Variants in ANKRD17 observed in about 807,000 individuals in gnomAD.
ANKRD17 encodes the protein ankyrin repeat domain 17, also known as ankyrin repeat domain-containing protein 17.
A neutral mutation model predicts 229.7 loss-of-function variants in ANKRD17; 19 were observed. The observed-to-expected ratio is 0.08, with a 90% CI of 0.06 to 0.12. The LOEUF is 0.12. ANKRD17 is among the 10% of genes least tolerant of loss of function. The pLI is 1.00. For missense variants in ANKRD17, 2,176 were observed against 3,176.8 expected, an observed-to-expected ratio of 0.68 and a Z score of 7.57; for synonymous variants, 1,112 against 1,146.1, an observed-to-expected ratio of 0.97 and a Z score of 0.60.
intron 30 of ANKRD17, among the ~76,000 whole-genome samples, chr4:73,080,346 AAG>A (rs921395040): frequency 4.6e-5 from 7 of 152,206 alleles, no homozygotes; most frequent in African/African-American, 7.2e-5. Context: ...AATGAACGAA[AAG>A]AAAATGATAT....
intron 2 of ANKRD17, among the ~76,000 whole-genome samples, chr4:73,167,217 C>T (rs986091049): frequency 7.2e-5 from 11 of 151,762 alleles, no homozygotes; most frequent in South Asian, 4.1e-4. Flanking sequence ...GGTTTCATTA[C>T]GCTATTCTCT....
In ANKRD17 at chr4:73,140,127, G is replaced by A. The variant is rs372579308; in HGVS notation, c.2489C>T (p.Ala830Val). Residue 830 changes from alanine (A) to valine (V), a missense_variant, in exon 15 of 34, where the codon GCA becomes GTA. This residue lies in a region of ANKRD17 where 275 missense variants were observed against 386.9 expected (regional missense o/e 0.71). Coordinates refer to ENST00000358602, the MANE Select transcript of ANKRD17 (RefSeq NM_032217.5). ...QRIKEAIEKNAQLQSLELAHA... is the reference protein window; with the variant it reads ...QRIKEAIEKNVQLQSLELAHA... ...AGCCAGTTCCAAGGACTGCAGCTGT[G>A]CATTCTTTTCTATGGCTTCTTTTAT... 6.2e-7 allele frequency: 1 copy of A among 1,614,142 alleles called. No individual in the cohort carries two copies. Among genetic ancestry groups the A allele is most frequent in the East Asian group, 2.2e-5 (1 of 44,874 alleles).
intron 1 of ANKRD17, among the ~76,000 whole-genome samples, chr4:73,242,582 C>T (rs1248512207): frequency 6.6e-6 from 1 of 152,170 alleles, no homozygotes; most frequent in African/African-American, 2.4e-5. Flanking sequence ...TTCATGGTCA[C>T]GTACAAAAGA....
At chr4:73,168,786 T>A (rs1358517890) in intron 2 of ANKRD17, 3 of 152,342 alleles carry the variant, frequency 2.0e-5, no homozygotes, top group African/African-American at 7.2e-5. Flanking sequence ...TGTGTGTCCT[T>A]CCAACTTTTA....
chr4:73,093,647 T>G (rs1723009511), intron 28 of ANKRD17, among the ~76,000 whole-genome samples: 2 of 152,302 alleles, frequency 1.3e-5, no homozygotes, highest in South Asian at 4.1e-4. Context: ...GTGCTGGGAT[T>G]ACAGGCGTGA....
intron 23 of ANKRD17, among the ~76,000 whole-genome samples, chr4:73,114,168 T>C (rs1471591088): frequency 2.0e-5 from 3 of 152,244 alleles, no homozygotes; most frequent in Non-Finnish European, 2.9e-5. Context: ...TAAAGTCATT[T>C]ATCCTCTAAT....
chr4:73,221,002 T>C (rs1741776922), intron 1 of ANKRD17, among the ~76,000 whole-genome samples: 1 of 152,126 alleles, frequency 6.6e-6, no homozygotes, highest in Non-Finnish European at 1.5e-5. Flanking sequence ...AAATGGTACA[T>C]TTATCTGCAA....
intron 3 of ANKRD17, among the ~76,000 whole-genome samples, chr4:73,159,807 G>A (rs1230137149): frequency 1.3e-5 from 2 of 152,136 alleles, no homozygotes; most frequent in African/African-American, 4.8e-5. Context: ...AATAGAAACC[G>A]AGGTTAACTA....
Position 73,078,545 on chromosome 4 carries a change from A to C in ANKRD17, c.7408+97T>G, listed in dbSNP as rs1421894150. ...AAGTGAAACTCCATCTCAAAAAAAG[A>C]AAAAAAAAAAGGAAATGACTATTAA... On this transcript the variant is annotated intron_variant, in intron 31 of 33. Transcript: ENST00000358602. The C allele has an allele frequency of 2.7e-5, 22 of 820,480 alleles. No individual in the cohort carries two copies. The Admixed American group carries it at 7.9e-4, about 30-fold the overall frequency. The allele number at this position is 820,480 out of a possible 1,614,324, so 50.8% of individuals were successfully genotyped here. A position where few individuals can be genotyped will look rare whatever the true frequency, so the allele number is the denominator to read the frequency against.
intron 1 of ANKRD17, among the ~76,000 whole-genome samples, chr4:73,214,121 ATAATTT>A: frequency 6.6e-6 from 1 of 152,324 alleles, no homozygotes; most frequent in South Asian, 2.1e-4. Flanking sequence ...TCTTGGACTG[ATAATTT>A]TAAAGCAATA....
chr4:73,091,461 G>A lies in ANKRD17; in HGVS notation c.6167C>T (p.Ser2056Phe). Residue 2056 changes from serine (S) to phenylalanine (F), a missense_variant, in exon 29 of 34, where the codon TCT becomes TTT. By Grantham distance (155) the Ser-to-Phe change is radical. Coordinates refer to ENST00000358602, the MANE Select transcript of ANKRD17 (RefSeq NM_032217.5). ...PSPPAQPGGV[S>F]RNSPLDCGSA... ...TCCACAATCCAAAGGGCTGTTTCTA[G>A]AAACCCCTCCTGGCTGGGCTGGTGG... 1 of 1,614,178 alleles carries A rather than the reference G, an allele frequency of 6.2e-7. No homozygotes were observed. The highest frequency in any genetic ancestry group is 8.5e-7 in the Non-Finnish European group (1 of 1,180,022).
chr4:73,215,209 T>C (rs1740851678), intron 1 of ANKRD17, among the ~76,000 whole-genome samples: 1 of 152,104 alleles, frequency 6.6e-6, no homozygotes, highest in African/African-American at 2.4e-5. Context: ...ATCTGACACG[T>C]GACAGCTTCC....
chr4:73,241,670 GA>G (rs1212744406), intron 1 of ANKRD17, among the ~76,000 whole-genome samples: 28 of 151,982 alleles, frequency 1.8e-4, no homozygotes, highest in Admixed American at 3.3e-4. Context: ...CACATAAACT[GA>G]ATCTGTAAAA....
chr4:73,116,008 C>A (rs1725895037), intron 22 of ANKRD17, 92 bp from the exon 23 acceptor site: 5 of 1,041,596 alleles, frequency 4.8e-6, no homozygotes, highest in African/African-American at 1.6e-5. Flanking sequence ...AAGATTAGGG[C>A]CACAAAGTAA....
At chr4:73,116,112 CA>C in intron 22 of ANKRD17, among the ~76,000 whole-genome samples, 196 bp from the exon 23 acceptor site, 1 of 146,316 alleles carries the variant, frequency 6.8e-6, no homozygotes, top group South Asian at 2.3e-4. Context: ...TCCTACCCTC[CA>C]AAAAAAGTAC....
chr4:73,153,732 A>G (rs912353620), intron 6 of ANKRD17, 148 bp downstream of exon 6: 2 of 496,402 alleles, frequency 4.0e-6, no homozygotes, highest in Non-Finnish European at 6.6e-6. Flanking sequence ...TAGTAAACAA[A>G]CTGCAACACT....
At chr4:73,099,126 C>T in intron 25 of ANKRD17, 1 of 726,906 alleles carries the variant, frequency 1.4e-6, no homozygotes, top group South Asian at 1.4e-5. Context: ...TGGCAGGAGT[C>T]CTCAGAGGAG....
intron 1 of ANKRD17, chr4:73,222,900 G>T: frequency 8.1e-7 from 1 of 1,232,760 alleles, no homozygotes; most frequent in Non-Finnish European, 1.1e-6. Context: ...CTATTCATCT[G>T]TAAAATAATT....
chr4:73,084,408 C>G (rs1163267221), intron 30 of ANKRD17, among the ~76,000 whole-genome samples: 1 of 151,380 alleles, frequency 6.6e-6, no homozygotes, highest in Non-Finnish European at 1.5e-5. Context: ...TTAAAAAACA[C>G]ATGTGATAAT....
Sources: allele counts gnomAD v4.1 joint callset (sites outside exome capture counted in the v4.1 genomes callset), GRCh38; gene constraint gnomAD v4.1.1; regional missense constraint gnomAD v4.1.1; transcripts MANE v1.5; gene names NCBI Gene and HGNC (gene_info 2026-07-23, HGNC 2026-07-21).